The following KAT6B variants were observed in gnomAD, a reference collection of about 807,000 sequenced individuals.
KAT6B encodes the protein lysine acetyltransferase 6B.
A neutral mutation model predicts 187.5 loss-of-function variants in KAT6B; 10 were observed. That is an observed-to-expected ratio of 0.05 (90% CI 0.03 to 0.09). The LOEUF (loss-of-function observed/expected upper bound fraction) is 0.09. KAT6B is among the 10% of genes least tolerant of loss of function. The probability of loss-of-function intolerance (pLI) is 1.00; values close to 1 mark genes in which losing one functional copy is unlikely to be tolerated. For missense variants in KAT6B, 1,952 were observed against 2,558.9 expected (o/e 0.76, Z 5.12); for synonymous variants, 861 against 926.8 (o/e 0.93, Z 1.29).
chr10:74,965,577 G>A (rs1462485756), intron 4 of KAT6B, among the ~76,000 whole-genome samples: 2 of 152,176 alleles, frequency 1.3e-5, no homozygotes, highest in East Asian at 1.9e-4. Flanking sequence ...ATTGCTACTG[G>A]AATAAATTAC....
In KAT6B at chr10:74,975,719, A is replaced by G. The variant is rs538695202; in HGVS notation, c.1382A>G (p.His461Arg). ...SRGEIIDFSK[H>R]YRPRKKVSQK... ...GGTGAAATTATAGACTTTTCAAAGCACTATCGTCCAAGGAAAAAGGTCTCT... is the reference window on the plus strand; with the variant it reads ...GGTGAAATTATAGACTTTTCAAAGCGCTATCGTCCAAGGAAAAAGGTCTCT... The change falls in exon 8 of 18, where the codon CAC (histidine) becomes CGC (arginine). Residue 461 changes from histidine (H) to arginine (R), a missense_variant. This residue lies in a region of KAT6B where 417 missense variants were observed against 508.9 expected (regional missense o/e 0.82). Transcript: ENST00000287239. 14 of 1,614,232 alleles carry G rather than the reference A, an allele frequency of 8.7e-6. No homozygotes were observed. The South Asian group carries it at 1.2e-4, about 14-fold the overall frequency.
intron 13 of KAT6B, among the ~76,000 whole-genome samples, chr10:75,004,055 G>GTT (rs545654039): frequency 1.4e-5 from 2 of 142,548 alleles, no homozygotes; most frequent in African/African-American, 5.1e-5. Flanking sequence ...CAGGTGGTTG[G>GTT]TTTTTTTTTT....
At chr10:74,965,914 T>G (rs1841433212) in intron 4 of KAT6B, among the ~76,000 whole-genome samples, 1 of 151,904 alleles carries the variant, frequency 6.6e-6, no homozygotes. Flanking sequence ...TTTTTTTTTT[T>G]TTAGTAGAGA....
intron 3 of KAT6B, among the ~76,000 whole-genome samples, chr10:74,928,312 G>A (rs534648512): frequency 3.3e-5 from 5 of 152,084 alleles, no homozygotes; most frequent in African/African-American, 7.2e-5. Context: ...GTACACTAAG[G>A]CCCTGAAGAG....
chr10:74,977,356 T>C lies in KAT6B; in HGVS notation c.2034T>C (p.Asp678=). Residue 678 remains aspartate (D), a synonymous_variant, in exon 9 of 18, where the codon GAT becomes GAC. Transcript: ENST00000287239. ...IKINIKQESA[D]VNVIGNKDVV... ...TAAACATCAAACAAGAAAGTGCAGA[T>C]GTAAATGTGATTGGAAACAAGGATG... 1 of 1,613,748 alleles carries C rather than the reference T, an allele frequency of 6.2e-7. No individual in the cohort carries two copies. Among genetic ancestry groups the C allele is most frequent in the Non-Finnish European group, 8.5e-7 (1 of 1,179,716 alleles).
At chr10:74,862,701 G>A (rs1490008411) in intron 3 of KAT6B, among the ~76,000 whole-genome samples, 1 of 152,190 alleles carries the variant, frequency 6.6e-6, no homozygotes, top group Non-Finnish European at 1.5e-5. Flanking sequence ...TGGCTCTGGA[G>A]CTAGAATGCT....
chr10:74,839,081 C>T (rs905579973), intron 2 of KAT6B, among the ~76,000 whole-genome samples: 2 of 149,684 alleles, frequency 1.3e-5, no homozygotes, highest in African/African-American at 2.5e-5. Context: ...TGAATCTGGG[C>T]GGTGGAGATT....
intron 3 of KAT6B, among the ~76,000 whole-genome samples, chr10:74,876,232 C>T (rs531389653): frequency 6.6e-6 from 1 of 152,234 alleles, no homozygotes; most frequent in East Asian, 1.9e-4. Flanking sequence ...CCACCCCTGC[C>T]GGCTTTTAAA....
intron 3 of KAT6B, among the ~76,000 whole-genome samples, chr10:74,869,561 C>T (rs912149528): frequency 5.9e-5 from 9 of 152,240 alleles, no homozygotes; most frequent in Admixed American, 4.6e-4. Flanking sequence ...GCTGAGATTA[C>T]AGGCGTGAGC....
intron 3 of KAT6B, among the ~76,000 whole-genome samples, chr10:74,863,933 A>T (rs1356055176): frequency 6.6e-6 from 1 of 151,982 alleles, no homozygotes; most frequent in African/African-American, 2.4e-5. Flanking sequence ...AAGGTCCCTC[A>T]TACACATACA....
At chr10:74,828,562 CTTTTTT>C (rs1160950109) in intron 1 of KAT6B, among the ~76,000 whole-genome samples, 35 of 94,818 alleles carry the variant, frequency 3.7e-4, no homozygotes, top group Non-Finnish European at 5.4e-4. Flanking sequence ...CTCATAAGTT[CTTTTTT>C]TTTTTTTTTT....
chr10:74,883,349 A>G (rs142590334), intron 3 of KAT6B, among the ~76,000 whole-genome samples: 3 of 152,274 alleles, frequency 2.0e-5, no homozygotes, highest in Non-Finnish European at 2.9e-5. Context: ...CTTCTGGGAC[A>G]ATAGTGTCAA....
At chr10:74,886,125 A>T (rs1845243667) in intron 3 of KAT6B, among the ~76,000 whole-genome samples, 1 of 152,206 alleles carries the variant, frequency 6.6e-6, no homozygotes, top group African/African-American at 2.4e-5. Flanking sequence ...TTGTGCAAGC[A>T]CGATGGTTGG....
In KAT6B at chr10:75,029,834, G is replaced by C. The variant is rs141220503; in HGVS notation, c.5010G>C (p.Leu1670=). The change falls in exon 18 of 18, where the codon CTG becomes CTC. Residue 1670 remains leucine (L), a synonymous_variant. Transcript: ENST00000287239. The surrounding 1 kb of genome is among the most constrained non-coding windows in gnomAD (Gnocchi z 6.2). The part of the protein sequence containing the change: ...QQVVDSGFSD[L]GSIESTTENY... ...TCGTAGACAGTGGATTTAGTGACCT[G>C]GGCAGTATCGAGAGCACAACTGAGA... 1 of 1,614,048 alleles carries C rather than the reference G, an allele frequency of 6.2e-7. No homozygotes were observed. The highest frequency in any genetic ancestry group is 8.5e-7 in the Non-Finnish European group (1 of 1,180,048).
intron 3 of KAT6B, among the ~76,000 whole-genome samples, chr10:74,904,573 A>AT (rs1208236385): frequency 6.6e-6 from 1 of 152,142 alleles, no homozygotes; most frequent in Non-Finnish European, 1.5e-5. Flanking sequence ...TCTTGAGGGC[A>AT]TTGTAAAATT....
rs539237977 is a variant in KAT6B at position 75,025,450 on chromosome 10, T to G, written c.3664+201T>G. 1.2e-5 allele frequency: 7 copies of G among 568,496 alleles called. No individual in the cohort carries two copies. The South Asian group carries it at 1.4e-4, about 11-fold the overall frequency. 35.2% of individuals were successfully genotyped at this position (568,496 alleles called of 1,614,324 possible). A position where few individuals can be genotyped will look rare whatever the true frequency, so the allele number is the denominator to read the frequency against. On this transcript the variant is annotated intron_variant, in intron 17 of 17. Transcript: ENST00000287239. ...GAATTGGATTTTATGTTAAACAACT[T>G]CTAAGGCCAGAACATTCCTCTAGGT... is the stretch of plus-strand genomic sequence containing the variant.
intron 3 of KAT6B, among the ~76,000 whole-genome samples, chr10:74,861,180 T>C (rs1010052790): frequency 6.6e-6 from 1 of 150,492 alleles, no homozygotes; most frequent in Non-Finnish European, 1.5e-5. Context: ...CACACACCTG[T>C]AATCCCAACT....
intron 13 of KAT6B, among the ~76,000 whole-genome samples, chr10:74,990,105 G>A (rs1223293709): frequency 1.4e-5 from 2 of 142,106 alleles, no homozygotes; most frequent in African/African-American, 5.1e-5. Flanking sequence ...TGAGGCAGGA[G>A]AATCACTTGA....
At chr10:75,001,970 G>A (rs1440434005) in intron 13 of KAT6B, among the ~76,000 whole-genome samples, 1 of 152,128 alleles carries the variant, frequency 6.6e-6, no homozygotes, top group East Asian at 1.9e-4. Context: ...CAGCCTCAAG[G>A]CCCTGGTGAG....
Sources: gnomAD v4.1 joint callset for allele counts (sites outside exome capture counted in the v4.1 genomes callset) on GRCh38, gnomAD v4.1.1 for gene constraint, gnomAD v4.1.1 regional missense constraint, Gnocchi (gnomAD v3.1) non-coding constraint, MANE v1.5 for transcripts, NCBI Gene and HGNC (gene_info 2026-07-23, HGNC 2026-07-21) for gene names.